Variants in SCGN observed in about 807,000 individuals in gnomAD.
The protein encoded by SCGN is secretagogin, EF-hand calcium binding protein.
SCGN carries 30 observed loss-of-function variants against 39.7 expected under a neutral mutation model. The observed-to-expected ratio is 0.76, with a 90% CI of 0.57 to 1.03. The LOEUF (loss-of-function observed/expected upper bound fraction) is 1.03, where lower values mean the gene tolerates loss of function less well. SCGN is among the 50% of genes least tolerant of loss of function. The probability of loss-of-function intolerance (pLI) is 0.00; values close to 1 mark genes in which losing one functional copy is unlikely to be tolerated. For synonymous variants in SCGN, 106 were observed against 114.1 expected (o/e 0.93, Z 0.45); for missense variants, 353 against 349.4 (o/e 1.01, Z -0.08).
At chr6:25,676,325 A>C (rs577642326) in intron 6 of SCGN, among the ~76,000 whole-genome samples, 1 of 152,168 alleles carries the variant, frequency 6.6e-6, no homozygotes, top group African/African-American at 2.4e-5. Context: ...ATAATTTTTC[A>C]TATTGAAAAC....
At chr6:25,690,863 C>T (rs1759765546) in intron 9 of SCGN, among the ~76,000 whole-genome samples, 193 bp from the exon 10 acceptor site, 1 of 152,230 alleles carries the variant, frequency 6.6e-6, no homozygotes, top group Non-Finnish European at 1.5e-5. Context: ...TTACATGGAG[C>T]TGTTTTCAAT....
chr6:25,669,467 A>G, intron 4 of SCGN, 44 bp from the exon 5 acceptor site: 1 of 1,526,026 alleles, frequency 6.6e-7, no homozygotes, highest in Non-Finnish European at 9.1e-7. Flanking sequence ...AATTATTCCA[A>G]GTTATCTGAG....
intron 9 of SCGN, among the ~76,000 whole-genome samples, chr6:25,689,774 C>A (rs984038365): frequency 2.0e-5 from 3 of 151,892 alleles, no homozygotes; most frequent in African/African-American, 2.4e-5. Flanking sequence ...ACTCCTTGGG[C>A]CTAAACTATA....
In SCGN at chr6:25,699,606, A is replaced by G. The variant is rs557993842; in HGVS notation, c.703-1601A>G. Among the ~76,000 whole-genome samples the G allele has an allele frequency of 2.1e-3, 325 of 151,648 alleles. 2 individuals carry two copies. Among genetic ancestry groups the G allele is most frequent in the Middle Eastern group, 0.01 (3 of 294 alleles). On this transcript the variant is annotated intron_variant, in intron 10 of 10. Transcript: ENST00000377961. ...CTCTGTCTCAAAAAAAAAAAAAAAA[A>G]AAAAGAAAAGAAAATGGGAAAATGG... is the stretch of plus-strand genomic sequence containing the variant.
chr6:25,681,746 G>A (rs1346801657), intron 6 of SCGN, among the ~76,000 whole-genome samples: 1 of 152,216 alleles, frequency 6.6e-6, no homozygotes, highest in Non-Finnish European at 1.5e-5. Context: ...TGAGATTTAG[G>A]AGATTTGGTT....
At chr6:25,686,312 G>A (rs1759704391) in intron 7 of SCGN, among the ~76,000 whole-genome samples, 1 of 152,128 alleles carries the variant, frequency 6.6e-6, no homozygotes, top group South Asian at 2.1e-4. Flanking sequence ...TAAAGTGGCT[G>A]CACCATTTTA....
At chr6:25,652,728 G>T (rs1760155884) in intron 1 of SCGN, among the ~76,000 whole-genome samples, 1 of 151,978 alleles carries the variant, frequency 6.6e-6, no homozygotes, top group African/African-American at 2.4e-5. Context: ...CTTTGTGTGC[G>T]AGCGCGCCAT....
intron 4 of SCGN, among the ~76,000 whole-genome samples, chr6:25,665,675 G>A (rs1196019647): frequency 2.0e-5 from 3 of 152,180 alleles, no homozygotes; most frequent in Non-Finnish European, 4.4e-5. Context: ...GGCCAGAGCA[G>A]CAGATTCAAG....
intron 6 of SCGN, among the ~76,000 whole-genome samples, chr6:25,671,685 G>C (rs1759500059): frequency 6.6e-6 from 1 of 152,188 alleles, no homozygotes; most frequent in Non-Finnish European, 1.5e-5. Flanking sequence ...CAGTTTCCCA[G>C]CTACAGGAGG....
chr6:25,693,268 G>A (rs1478359123), intron 10 of SCGN, among the ~76,000 whole-genome samples: 7 of 151,800 alleles, frequency 4.6e-5, no homozygotes, highest in African/African-American at 1.2e-4. Context: ...TGGCTAACGC[G>A]GTGAAACCCC....
chr6:25,679,722 C>T (rs1360164446), intron 6 of SCGN, among the ~76,000 whole-genome samples: 2 of 152,216 alleles, frequency 1.3e-5, no homozygotes, highest in South Asian at 4.1e-4. Context: ...ACTCAACTAT[C>T]ATGAAGTTTA....
intron 10 of SCGN, among the ~76,000 whole-genome samples, chr6:25,699,209 C>T (rs543533932): frequency 1.3e-5 from 2 of 152,182 alleles, no homozygotes; most frequent in South Asian, 4.2e-4. Context: ...TTGTTTTTCT[C>T]TCTGTACATT....
chr6:25,668,844 G>C (rs1759439084), intron 4 of SCGN, among the ~76,000 whole-genome samples: 2 of 152,314 alleles, frequency 1.3e-5, no homozygotes, highest in South Asian at 2.1e-4. Flanking sequence ...GGGCGCAGTG[G>C]CTCACGCCTG....
At chr6:25,701,083 T>G in intron 10 of SCGN, 124 bp from the exon 11 acceptor site, 2 of 1,037,750 alleles carry the variant, frequency 1.9e-6, no homozygotes. Context: ...ACTCATTCCC[T>G]CACTCCCTGT....
intron 6 of SCGN, 149 bp downstream of exon 6, chr6:25,670,225 T>A (rs906929688): frequency 1.4e-5 from 9 of 659,462 alleles, no homozygotes; most frequent in Non-Finnish European, 1.4e-5. Flanking sequence ...AAATACTGGC[T>A]AAAACTGAAC....
intron 10 of SCGN, among the ~76,000 whole-genome samples, chr6:25,699,200 TG>T (rs928982516): frequency 5.9e-5 from 9 of 152,224 alleles, no homozygotes; most frequent in South Asian, 2.1e-4. Context: ...ATTTGTTTTT[TG>T]TTTTTCTCTC....
intron 2 of SCGN, among the ~76,000 whole-genome samples, chr6:25,658,551 C>G (rs1471325593): frequency 6.6e-6 from 1 of 152,130 alleles, no homozygotes; most frequent in Admixed American, 6.5e-5. Flanking sequence ...TACATCATCT[C>G]AATCACAAAT....
chr6:25,686,681 C>A (rs780715238), intron 7 of SCGN, among the ~76,000 whole-genome samples: 19 of 152,014 alleles, frequency 1.2e-4, no homozygotes, highest in Admixed American at 2.6e-4. Context: ...TCCTTTGAAG[C>A]ACAAATGTTT....
chr6:25,661,357 T>G (rs986424689), intron 2 of SCGN, among the ~76,000 whole-genome samples, 195 bp from the exon 3 acceptor site: 1 of 152,226 alleles, frequency 6.6e-6, no homozygotes, highest in Admixed American at 6.5e-5. Flanking sequence ...TTCTGATTAG[T>G]GCTTGGTTGC....
Sources: gnomAD v4.1 joint callset for allele counts (sites outside exome capture counted in the v4.1 genomes callset) on GRCh38, gnomAD v4.1.1 for gene constraint, MANE v1.5 for transcripts, NCBI Gene and HGNC (gene_info 2026-07-23, HGNC 2026-07-21) for gene names.